ZNF407: variants seen among roughly 807,000 people sequenced by gnomAD.
The protein encoded by ZNF407 is zinc finger protein 407.
A neutral mutation model predicts 131.2 loss-of-function variants in ZNF407; 17 were observed. That is an observed-to-expected ratio of 0.13 (90% CI 0.09 to 0.19). The LOEUF (loss-of-function observed/expected upper bound fraction) is 0.19, where lower values mean the gene tolerates loss of function less well. ZNF407 is among the 10% of genes least tolerant of loss of function. ZNF407 has a pLI of 1.00. For synonymous variants in ZNF407, 1,156 were observed against 1,062.0 expected, an observed-to-expected ratio of 1.09 and a Z score of -1.72; for missense variants, 2,681 against 2,830.6, an observed-to-expected ratio of 0.95 and a Z score of 1.20.
intron 4 of ZNF407, among the ~76,000 whole-genome samples, chr18:74,815,592 C>G (rs896302048): frequency 6.6e-6 from 1 of 152,164 alleles, no homozygotes; most frequent in Admixed American, 6.5e-5. Context: ...AACAAACTTT[C>G]TTTTCTCACA....
At chr18:74,701,148 A>G (rs1014089761) in intron 3 of ZNF407, among the ~76,000 whole-genome samples, 1 of 152,116 alleles carries the variant, frequency 6.6e-6, no homozygotes, top group Non-Finnish European at 1.5e-5. Context: ...AGGCTCGCCC[A>G]GGCTTGCAGA....
intron 7 of ZNF407, among the ~76,000 whole-genome samples, chr18:74,891,489 A>G (rs1273083678): frequency 6.6e-6 from 1 of 152,206 alleles, no homozygotes; most frequent in East Asian, 1.9e-4. Flanking sequence ...CAGCTACATT[A>G]TTGCATTAAG....
At chr18:75,023,451 T>C (rs1352484171) in intron 8 of ZNF407, among the ~76,000 whole-genome samples, 1 of 152,178 alleles carries the variant, frequency 6.6e-6, no homozygotes, top group Non-Finnish European at 1.5e-5. Flanking sequence ...TTACATGTAA[T>C]ATAACTAATA....
chr18:75,040,019 T>G (rs1973354967), intron 8 of ZNF407, among the ~76,000 whole-genome samples: 1 of 152,180 alleles, frequency 6.6e-6, no homozygotes, highest in Non-Finnish European at 1.5e-5. Context: ...CTTGTTGGTC[T>G]CTCTCTCTGG....
chr18:74,799,488 A>G (rs1969980470), intron 4 of ZNF407, among the ~76,000 whole-genome samples: 1 of 152,128 alleles, frequency 6.6e-6, no homozygotes, highest in African/African-American at 2.4e-5. Flanking sequence ...AGGTTTTAAT[A>G]TTTAAACTTG....
chr18:75,045,061 TG>T (rs924310706), intron 8 of ZNF407, among the ~76,000 whole-genome samples: 1 of 19,714 alleles, frequency 5.1e-5, no homozygotes, highest in Admixed American at 7.3e-4. Flanking sequence ...AATCTGGGTG[TG>T]GGGGGGTGTG....
chr18:74,997,841 C>T (rs760876609), intron 8 of ZNF407, among the ~76,000 whole-genome samples: 1 of 152,206 alleles, frequency 6.6e-6, no homozygotes, highest in African/African-American at 2.4e-5. Flanking sequence ...GAAAAATGCT[C>T]ATTCTGATCC....
At chr18:74,704,945 C>T (rs952227098) in intron 3 of ZNF407, among the ~76,000 whole-genome samples, 3 of 152,126 alleles carry the variant, frequency 2.0e-5, no homozygotes, top group Admixed American at 1.3e-4. Flanking sequence ...CATGAAGATT[C>T]GGTTTCTCTT....
At chr18:74,744,650 C>A (rs1968625761) in intron 3 of ZNF407, among the ~76,000 whole-genome samples, 2 of 151,698 alleles carry the variant, frequency 1.3e-5, no homozygotes, top group Admixed American at 1.3e-4. Context: ...ATTTTTGCTG[C>A]AAAAGAAACA....
intron 3 of ZNF407, among the ~76,000 whole-genome samples, chr18:74,700,460 G>A (rs775808391): frequency 6.6e-5 from 10 of 152,190 alleles, no homozygotes; most frequent in Non-Finnish European, 8.8e-5. Context: ...ACTGCATGGT[G>A]ATGCCAGCAC....
chr18:74,634,024 C>A lies in ZNF407; in HGVS notation c.3005C>A (p.Pro1002Gln). ...ISSEPEDFAQ[P>Q]GDVYSQRDVT... ...TCAGAGCCAGAGGACTTCGCCCAGCCGGGGGATGTGTACTCCCAGAGAGAT... is the reference window on the plus strand; with the variant it reads ...TCAGAGCCAGAGGACTTCGCCCAGCAGGGGGATGTGTACTCCCAGAGAGAT... Residue 1002 changes from proline (P) to glutamine (Q), a missense_variant, in exon 2 of 9, where the codon CCG becomes CAG. Transcript: ENST00000299687. The A allele has an allele frequency of 1.2e-6, 2 of 1,613,984 alleles. No homozygotes were observed. The highest frequency in any genetic ancestry group is 1.7e-6 in the Non-Finnish European group (2 of 1,179,880).
chr18:74,917,337 A>C (rs1192849637), intron 7 of ZNF407, among the ~76,000 whole-genome samples: 1 of 152,226 alleles, frequency 6.6e-6, no homozygotes, highest in African/African-American at 2.4e-5. Context: ...ACACATATGT[A>C]TAATATAATA....
At chr18:74,673,439 C>T (rs756648472) in intron 3 of ZNF407, among the ~76,000 whole-genome samples, 4 of 152,198 alleles carry the variant, frequency 2.6e-5, no homozygotes, top group Non-Finnish European at 5.9e-5. Context: ...CTACTCTTCC[C>T]TCTTTCACTC....
chr18:74,685,559 G>T (rs1568166042), intron 3 of ZNF407, among the ~76,000 whole-genome samples: 1 of 152,192 alleles, frequency 6.6e-6, no homozygotes, highest in Non-Finnish European at 1.5e-5. Context: ...AGACCTTCCA[G>T]TGATCTCCAG....
At chr18:74,603,221 A>G (rs1251762678) in intron 1 of ZNF407, among the ~76,000 whole-genome samples, 1 of 152,168 alleles carries the variant, frequency 6.6e-6, no homozygotes, top group Non-Finnish European at 1.5e-5. Flanking sequence ...ATGCTATGAG[A>G]GTTGATGATA....
chr18:74,767,767 C>T (rs923600247), intron 3 of ZNF407, among the ~76,000 whole-genome samples: 7 of 150,104 alleles, frequency 4.7e-5, no homozygotes, highest in African/African-American at 7.4e-5. Flanking sequence ...CATTCTCCTG[C>T]CTCAGCCTCC....
chr18:74,929,187 C>T (rs1379342104), intron 8 of ZNF407, among the ~76,000 whole-genome samples: 1 of 152,096 alleles, frequency 6.6e-6, no homozygotes, highest in Non-Finnish European at 1.5e-5. Flanking sequence ...ACTATATTCT[C>T]CCCTTCCTTG....
At chr18:74,732,876 A>T (rs1205394904) in intron 3 of ZNF407, among the ~76,000 whole-genome samples, 8 of 152,156 alleles carry the variant, frequency 5.3e-5, no homozygotes, top group Non-Finnish European at 1.2e-4. Context: ...TCAATATTTA[A>T]AGTGTGTAAT....
intron 8 of ZNF407, among the ~76,000 whole-genome samples, chr18:75,004,034 G>A (rs1972878243): frequency 6.6e-6 from 1 of 152,140 alleles, no homozygotes; most frequent in Admixed American, 6.5e-5. Flanking sequence ...TCGCAAGTTT[G>A]TATTTCTATT....
Sources: gnomAD v4.1 joint callset for allele counts (sites outside exome capture counted in the v4.1 genomes callset) on GRCh38, gnomAD v4.1.1 for gene constraint, MANE v1.5 for transcripts, NCBI Gene and HGNC (gene_info 2026-07-23, HGNC 2026-07-21) for gene names.